The following CCDC33 variants were observed in gnomAD, a reference collection of about 807,000 sequenced individuals.
The protein encoded by CCDC33 is coiled-coil domain containing 33, also known as coiled-coil domain-containing protein 33.
CCDC33 carries 94 observed loss-of-function variants against 91.9 expected under a neutral mutation model. That is an observed-to-expected ratio of 1.02 (90% CI 0.87 to 1.21). CCDC33 has a LOEUF of 1.21. Ranked by LOEUF, CCDC33 falls within the 50% of genes most tolerant of loss-of-function variation. The pLI, the probability that CCDC33 is intolerant of heterozygous loss-of-function variation, is 0.00. For synonymous variants in CCDC33, 396 were observed against 374.5 expected (o/e 1.06, Z -0.66); for missense variants, 940 against 935.5 (o/e 1.00, Z -0.06).
intron 16 of CCDC33, chr15:74,333,164 C>T (rs1314964573): frequency 6.4e-6 from 9 of 1,410,632 alleles, no homozygotes; most frequent in South Asian, 1.2e-5. Context: ...CTCAAAACTC[C>T]CTTCTGGAGC....
At chr15:74,277,639 C>G (rs1389076105) in intron 7 of CCDC33, among the ~76,000 whole-genome samples, 2 of 152,246 alleles carry the variant, frequency 1.3e-5, no homozygotes, top group African/African-American at 2.4e-5. Context: ...TGGCGTCAGA[C>G]TGCAGGTCTT....
intron 5 of CCDC33, among the ~76,000 whole-genome samples, chr15:74,271,178 G>A (rs2076305426): frequency 6.6e-6 from 1 of 152,126 alleles, no homozygotes; most frequent in Non-Finnish European, 1.5e-5. Flanking sequence ...GCTGATCTCA[G>A]GAAGTTCAGC....
intron 11 of CCDC33, among the ~76,000 whole-genome samples, chr15:74,327,419 G>A (rs1215696169): frequency 1.3e-5 from 2 of 152,184 alleles, no homozygotes; most frequent in Non-Finnish European, 2.9e-5. Flanking sequence ...CAGATTACCT[G>A]AGGTCAGGAG....
chr15:74,295,734 T>C lies in CCDC33; in HGVS notation c.1096-20T>C, dbSNP rs1476757316. The C allele has an allele frequency of 4.4e-6, 7 of 1,602,368 alleles. No individual in the cohort carries two copies. The highest frequency in any genetic ancestry group is 2.3e-5 in the South Asian group (2 of 88,884). On this transcript the variant is annotated intron_variant, in intron 10 of 18. Coordinates refer to ENST00000398814, the MANE Select transcript of CCDC33 (RefSeq NM_025055.5). ...GAGAAGGGGCCTGTCCTGAAGTTTC[T>C]CTGCACCTTCTCTTCTCAGAGACCA...
upstream of CCDC33, among the ~76,000 whole-genome samples, chr15:74,216,552 C>CT (rs1302042182): frequency 2.6e-5 from 1 of 37,864 alleles, no homozygotes; most frequent in Non-Finnish European, 4.5e-5. Flanking sequence ...TTTTTTTTTT[C>CT]CCGAGATGGA....
rs1211213962 is a variant in CCDC33 at position 74,335,014 on chromosome 15, G to A, written c.2065G>A (p.Asp689Asn). The A allele has an allele frequency of 1.2e-6, 2 of 1,614,118 alleles. No individual in the cohort carries two copies. Among genetic ancestry groups the A allele is most frequent in the Admixed American group, 3.3e-5 (2 of 60,018 alleles). The change falls in exon 18 of 19, where the codon GAT becomes AAT. Residue 689 changes from aspartate (D) to asparagine (N), a missense_variant. Coordinates refer to ENST00000398814, the MANE Select transcript of CCDC33 (RefSeq NM_025055.5). ...SARRWGREKQ[D>N]LATRLQEQEK... Reference sequence around the variant, plus strand: ...TCGACGCTGGGGACGAGAGAAGCAGGATCTGGCCACACGGCTGCAGGAGCA... The same window carrying A: ...TCGACGCTGGGGACGAGAGAAGCAGAATCTGGCCACACGGCTGCAGGAGCA...
chr15:74,336,149 C>A, downstream of CCDC33: 1 of 1,533,578 alleles, frequency 6.5e-7, no homozygotes, highest in South Asian at 1.2e-5. Context: ...TGAGCATTTT[C>A]CTCTTTCCTG....
intron 3 of CCDC33, 110 bp from the exon 4 acceptor site, chr15:74,266,568 C>T (rs2076170939): frequency 9.1e-6 from 7 of 769,060 alleles, no homozygotes; most frequent in Non-Finnish European, 1.6e-5. Flanking sequence ...CTCAGTGTGG[C>T]CCCTGCTCCC....
intron 2 of CCDC33, among the ~76,000 whole-genome samples, chr15:74,247,100 G>T (rs890889306): frequency 4.0e-5 from 6 of 151,450 alleles, no homozygotes; most frequent in African/African-American, 1.5e-4. Context: ...AGCCAAGATT[G>T]CGCCACTGCA....
At chr15:74,280,192 G>A (rs2076555841) in intron 8 of CCDC33, 100 bp downstream of exon 8, 6 of 1,437,236 alleles carry the variant, frequency 4.2e-6, no homozygotes, top group Admixed American at 1.8e-5. Flanking sequence ...CCACAGGGAT[G>A]GATGGTTCCC....
rs1406692040 is a variant in CCDC33, at chr15:74,221,361, T to C, written c.675+2500T>C. On this transcript the variant is annotated intron_variant, in intron 2 of 2. Transcript: ENST00000635913. ...GAAGGAAGCGGAAGACAAGGCTCAGTGTGAGACCAGGGTCAGAGCTCAGCA... is the reference window on the plus strand; with the variant it reads ...GAAGGAAGCGGAAGACAAGGCTCAGCGTGAGACCAGGGTCAGAGCTCAGCA... 3.1e-6 allele frequency: 3 copies of C among 961,512 alleles called. No homozygotes were observed. The African/African-American group carries it at 5.3e-5, about 17-fold the overall frequency. The allele number at this position is 961,512 out of a possible 1,614,324, so 59.6% of individuals were successfully genotyped here.
chr15:74,230,547 A>C (rs111591357), intron 2 of CCDC33, among the ~76,000 whole-genome samples: 3 of 152,352 alleles, frequency 2.0e-5, no homozygotes, highest in East Asian at 3.9e-4. Context: ...GTGGTTGCCA[A>C]ATGCCAAGAG....
chr15:74,223,712 C>G (rs2074680355), intron 2 of CCDC33, among the ~76,000 whole-genome samples: 1 of 106,626 alleles, frequency 9.4e-6, no homozygotes, highest in Non-Finnish European at 2.3e-5. Flanking sequence ...AGGCTGTGCC[C>G]ACCGCCAGCA....
chr15:74,226,771 T>C (rs1013450765), intron 2 of CCDC33, among the ~76,000 whole-genome samples: 3 of 147,314 alleles, frequency 2.0e-5, no homozygotes, highest in Admixed American at 6.9e-5. Context: ...GAGGTTGCGG[T>C]GAGCCAAGAT....
chr15:74,239,472 G>A (rs2075279783), intron 1 of CCDC33, among the ~76,000 whole-genome samples: 1 of 152,226 alleles, frequency 6.6e-6, no homozygotes, highest in South Asian at 2.1e-4. Context: ...GGCCTATTGA[G>A]GGCAAGGCTG....
Position 74,244,376 on chromosome 15 carries a change from C to G in CCDC33, c.185+228C>G, listed in dbSNP as rs951570798. 6.6e-6 allele frequency among the ~76,000 whole-genome samples: 1 copy of G among 152,152 alleles called. No individual in the cohort carries two copies. The highest frequency in any genetic ancestry group is 2.4e-5 in the African/African-American group (1 of 41,434). The stretch of plus-strand genomic sequence containing the variant: ...AACGGATCCAGAGAGTCACCCCTCC[C>G]CACCCCACACCAGTGGGGCAGGGAT... On this transcript the variant is annotated intron_variant, in intron 2 of 18. Transcript: ENST00000398814. This position sits in a 1 kb window ranked among gnomAD's most constrained non-coding sequence, Gnocchi z 4.2.
chr15:74,270,649 G>A (rs2076288703), intron 5 of CCDC33, among the ~76,000 whole-genome samples: 1 of 152,118 alleles, frequency 6.6e-6, no homozygotes, highest in African/African-American at 2.4e-5. Context: ...GGCTGAGGGA[G>A]AGTGGGAGCC....
intron 2 of CCDC33, among the ~76,000 whole-genome samples, chr15:74,257,326 G>A (rs532340781): frequency 3.3e-5 from 5 of 152,290 alleles, no homozygotes; most frequent in East Asian, 1.9e-4. Flanking sequence ...TGGGGGAGGC[G>A]GCAGCACAGA....
Position 74,266,550 on chromosome 15 carries a change from G to A in CCDC33, c.320-128G>A, listed in dbSNP as rs1017667948. 4.3e-6 allele frequency: 3 copies of A among 705,154 alleles called. No individual in the cohort carries two copies. The African/African-American group carries it at 5.2e-5, about 12-fold the overall frequency. The allele number at this position is 705,154 out of a possible 1,614,324, so 43.7% of individuals were successfully genotyped here. ...GGGTGATCCACACATGTGTGTGCAT[G>A]TTGATTCCTCAGTGTGGCCCCTGCT... On this transcript the variant is annotated intron_variant, in intron 3 of 18. Transcript: ENST00000398814.
Sources: allele counts gnomAD v4.1 joint callset (sites outside exome capture counted in the v4.1 genomes callset), GRCh38; gene constraint gnomAD v4.1.1; non-coding constraint Gnocchi (gnomAD v3.1); transcripts MANE v1.5; gene names NCBI Gene and HGNC (gene_info 2026-07-23, HGNC 2026-07-21).